LIMCH1: variants seen among roughly 807,000 people sequenced by gnomAD.
LIMCH1 encodes LIM and calponin homology domains 1, also known as LIM and calponin homology domains-containing protein 1.
In LIMCH1, 113 loss-of-function variants were observed where a neutral mutation model predicts 176.5. That is an observed-to-expected ratio of 0.64 (90% CI 0.55 to 0.75). The LOEUF (loss-of-function observed/expected upper bound fraction) is 0.75. Among genes scored for constraint, LIMCH1 ranks in the 30% least tolerant of loss-of-function variants. LIMCH1 has a pLI of 0.00. For missense variants in LIMCH1, 1,674 were observed against 1,814.9 expected (o/e 0.92, Z 1.41); for synonymous variants, 619 against 645.9 (o/e 0.96, Z 0.63).
chr4:41,565,573 G>C (rs2082657751), intron 1 of LIMCH1, among the ~76,000 whole-genome samples: 1 of 151,814 alleles, frequency 6.6e-6, no homozygotes, highest in Non-Finnish European at 1.5e-5. Context: ...ATAACACTTA[G>C]CTTTTGTATC....
chr4:41,398,282 A>G (rs903583185), intron 1 of LIMCH1, among the ~76,000 whole-genome samples: 1 of 151,652 alleles, frequency 6.6e-6, no homozygotes, highest in Admixed American at 6.6e-5. Context: ...ATATATATAC[A>G]TGTGCCATGA....
At chr4:41,593,566 C>A (rs1005371779) in intron 1 of LIMCH1, among the ~76,000 whole-genome samples, 1 of 152,170 alleles carries the variant, frequency 6.6e-6, no homozygotes, top group South Asian at 2.1e-4. Flanking sequence ...AAGTCAAGAA[C>A]CTTTTCTCAC....
intron 1 of LIMCH1, among the ~76,000 whole-genome samples, chr4:41,448,628 C>T (rs1379917724): frequency 6.6e-6 from 1 of 151,804 alleles, no homozygotes; most frequent in African/African-American, 2.4e-5. Flanking sequence ...GCAAATCATG[C>T]TTTTCAGTAT....
chr4:41,547,257 CCTGT>C (rs1164584403), intron 1 of LIMCH1, among the ~76,000 whole-genome samples: 2 of 152,244 alleles, frequency 1.3e-5, no homozygotes, highest in Middle Eastern at 3.4e-3. Flanking sequence ...ACATACTCCT[CCTGT>C]CTAACTGGAA....
chr4:41,407,217 C>T lies in LIMCH1; in HGVS notation c.96+46281C>T, dbSNP rs1171630944. Among the ~76,000 whole-genome samples the T allele has an allele frequency of 2.0e-5, 3 of 152,248 alleles. No homozygotes were observed. The East Asian group carries it at 5.8e-4, about 29-fold the overall frequency. On this transcript the variant is annotated intron_variant, in intron 1 of 26. Coordinates refer to the LIMCH1 transcript ENST00000313860. ...TCCTTTGAAAGTCTGTAAGTCCACA[C>T]TGGGTGCTTCCCTGTCATCTTTTTT... is the stretch of plus-strand genomic sequence containing the variant.
intron 1 of LIMCH1, among the ~76,000 whole-genome samples, chr4:41,428,916 T>C (rs2061353104): frequency 6.6e-6 from 1 of 152,234 alleles, no homozygotes; most frequent in Non-Finnish European, 1.5e-5. Flanking sequence ...TGGTTTCTTC[T>C]GTGATTTCTT....
intron 1 of LIMCH1, among the ~76,000 whole-genome samples, chr4:41,546,977 C>T (rs1484719659): frequency 6.6e-6 from 1 of 152,072 alleles, no homozygotes; most frequent in Non-Finnish European, 1.5e-5. Context: ...TTTTTCTTTG[C>T]ATCTTCTTCT....
At chr4:41,526,922 A>G (rs1014181374) in intron 3 of LIMCH1, among the ~76,000 whole-genome samples, 4 of 152,208 alleles carry the variant, frequency 2.6e-5, no homozygotes, top group African/African-American at 7.2e-5. Context: ...TGCCTGGACT[A>G]TAATAGTTGA....
rs1459001321 is a variant in LIMCH1, at chr4:41,671,658, T to A, written c.3438+64T>A. On this transcript the variant is annotated intron_variant, in intron 22 of 31. Coordinates refer to ENST00000503057, the MANE Select transcript of LIMCH1 (RefSeq NM_001330672.2). ...TGTGATTTTAATTTATAACATTTGA[T>A]TGGCTCAAAGAGTATTCAGGCCGGG... is the stretch of plus-strand genomic sequence containing the variant. The A allele has an allele frequency of 2.3e-6, 3 of 1,286,442 alleles. No homozygotes were observed. The African/African-American group carries it at 4.4e-5, about 19-fold the overall frequency. The allele number at this position is 1,286,442 out of a possible 1,614,324, so 79.7% of individuals were successfully genotyped here.
rs1247843896 is a variant in LIMCH1 at position 41,619,422 on chromosome 4, G to C, written c.440G>C (p.Gly147Ala). The C allele has an allele frequency of 1.2e-6, 2 of 1,610,288 alleles. No homozygotes were observed. Among genetic ancestry groups the C allele is most frequent in the Non-Finnish European group, 1.7e-6 (2 of 1,180,018 alleles). The change falls in exon 6 of 32, where the codon GGT (glycine) becomes GCT (alanine). Residue 147 changes from glycine to alanine, a missense_variant. Physicochemically the swap from Gly to Ala is moderately conservative, Grantham distance 60. Around this residue, in one of 3 missense-constraint regions of LIMCH1, gnomAD observed 655 missense variants for 692.2 expected, o/e 0.95. Transcript: ENST00000503057. ...KSWSTATSPL[G>A]GERPFSFPET... ...TGGAGTACCGCCACCTCCCCGCTGG[G>C]TGGGGAGAGGCCCTTCAGGTAAGGC...
chr4:41,650,564 G>A lies in LIMCH1; in HGVS notation c.2992G>A (p.Glu998Lys), dbSNP rs377729580. The change falls in exon 18 of 32, where the codon GAG becomes AAG. Residue 998 changes from glutamate (E) to lysine (K), a missense_variant. Coordinates refer to ENST00000503057, the MANE Select transcript of LIMCH1 (RefSeq NM_001330672.2). Reference protein sequence around the residue: ...LELKQDNGSIEINIKKPNSVP... With the variant: ...LELKQDNGSIKINIKKPNSVP... ...GCTGAAACAAGACAACGGTAGCATC[G>A]AGATCAACATAAAGAAGCCAAACTC... The A allele has an allele frequency of 1.4e-5, 22 of 1,613,960 alleles. No individual in the cohort carries two copies. In the African/African-American group the frequency reaches 1.6e-4, roughly 12 times the overall value.
At chr4:41,660,072 A>G (rs2094568632) in intron 18 of LIMCH1, among the ~76,000 whole-genome samples, 2 of 152,094 alleles carry the variant, frequency 1.3e-5, no homozygotes, top group South Asian at 4.1e-4. Flanking sequence ...TTTTCTTACT[A>G]TCTTTTTTTC....
In LIMCH1 at chr4:41,613,133, T is replaced by C. The variant is rs1267651530; in HGVS notation, c.10-333T>C. ...TTGGTTTTTCGTTTTTGTTTTGAAC[T>C]ATCATTGTACTGTTGTGAATCCAAA... On this transcript the variant is annotated intron_variant, in intron 4 of 31. Transcript: ENST00000503057. 5 of 1,510,858 alleles carry C rather than the reference T, an allele frequency of 3.3e-6. 1 individual carries two copies. The highest frequency in any genetic ancestry group is 1.2e-5 in the South Asian group (1 of 83,190). 93.6% of individuals were successfully genotyped at this position (1,510,858 alleles called of 1,614,324 possible).
At chr4:41,610,930 A>G (rs566753430) in intron 4 of LIMCH1, among the ~76,000 whole-genome samples, 4 of 152,342 alleles carry the variant, frequency 2.6e-5, no homozygotes, top group African/African-American at 7.2e-5. Flanking sequence ...GAAATCCGAA[A>G]TGCTCCAAAA....
intron 2 of LIMCH1, among the ~76,000 whole-genome samples, chr4:41,600,860 C>T (rs1451357634): frequency 1.3e-5 from 2 of 152,162 alleles, no homozygotes; most frequent in Non-Finnish European, 2.9e-5. Context: ...GTCACGTAGG[C>T]AAGTGACACG....
chr4:41,601,088 A>AT (rs755500962), intron 2 of LIMCH1, among the ~76,000 whole-genome samples: 12 of 151,924 alleles, frequency 7.9e-5, no homozygotes, highest in Non-Finnish European at 1.8e-4. Context: ...TTGCCATCAC[A>AT]TTCCCCCATG....
chr4:41,440,618 C>T (rs912627130), intron 1 of LIMCH1, among the ~76,000 whole-genome samples: 3 of 152,122 alleles, frequency 2.0e-5, no homozygotes, highest in African/African-American at 7.2e-5. Context: ...CTGCAACCTC[C>T]ACCTCCCAGG....
At chr4:41,651,157 C>T (rs2094282014) in intron 18 of LIMCH1, among the ~76,000 whole-genome samples, 1 of 152,176 alleles carries the variant, frequency 6.6e-6, no homozygotes, top group Non-Finnish European at 1.5e-5. Flanking sequence ...CAGGCATGCA[C>T]AAGTGCACCC....
chr4:41,381,536 C>T (rs75138535), intron 1 of LIMCH1, among the ~76,000 whole-genome samples: 12,001 of 152,178 alleles, frequency 0.079, 552 homozygotes, highest in African/African-American at 0.13. Flanking sequence ...AAGTGACTGC[C>T]GTTCTTCTCC....
Sources: gnomAD v4.1 joint callset for allele counts (sites outside exome capture counted in the v4.1 genomes callset) on GRCh38, gnomAD v4.1.1 for gene constraint, gnomAD v4.1.1 regional missense constraint, MANE v1.5 for transcripts, NCBI Gene and HGNC (gene_info 2026-07-23, HGNC 2026-07-21) for gene names.